The following JARID2 variants were observed in gnomAD, a reference collection of about 807,000 sequenced individuals.
JARID2 encodes the protein protein Jumonji.
Under a neutral mutation model 125.6 loss-of-function variants are expected in JARID2, and 21 were observed. The ratio of observed to expected loss-of-function variants is 0.17; its 90% CI spans 0.12 to 0.24. The LOEUF (loss-of-function observed/expected upper bound fraction) is 0.24. Ranked by LOEUF, JARID2 falls within the 10% of genes least tolerant of loss-of-function variation. The pLI is 1.00. For synonymous variants in JARID2, 736 were observed against 661.6 expected, an observed-to-expected ratio of 1.11 and a Z score of -1.73; for missense variants, 1,303 against 1,639.6, an observed-to-expected ratio of 0.79 and a Z score of 3.55.
rs1488880884 is a variant in JARID2 at position 15,521,088 on chromosome 6, AAAAGG to A, written c.*841_*845del. On this transcript the variant is annotated 3_prime_UTR_variant, in exon 18 of 18. Coordinates refer to ENST00000341776, the MANE Select transcript of JARID2 (RefSeq NM_004973.4). Reference sequence around the variant, plus strand: ...TTAAGATTTAAAAAAAAAAAAAAAAAAAAGGAAAAAAAAGTGATGGAAGCCGTAAG... The same window carrying A: ...TTAAGATTTAAAAAAAAAAAAAAAAAAAAAAAAAGTGATGGAAGCCGTAAG... 1 of 160,820 alleles carries A rather than the reference AAAAGG, an allele frequency of 6.2e-6. No individual in the cohort carries two copies. The highest frequency in any genetic ancestry group is 1.4e-5 in the Non-Finnish European group (1 of 73,402). 10.0% of individuals were successfully genotyped at this position (160,820 alleles called of 1,614,324 possible).
intron 1 of JARID2, among the ~76,000 whole-genome samples, chr6:15,342,880 G>GA (rs1174006458): frequency 1.3e-5 from 2 of 152,148 alleles, no homozygotes; most frequent in Non-Finnish European, 2.9e-5. Context: ...TGCTTTGATT[G>GA]AAGACGCCTT....
chr6:15,267,166 C>T (rs988937850), intron 1 of JARID2, among the ~76,000 whole-genome samples: 1 of 152,184 alleles, frequency 6.6e-6, no homozygotes, highest in African/African-American at 2.4e-5. Context: ...GAATTCAACA[C>T]TCTGAAACTC....
chr6:15,324,103 G>A (rs557432649), intron 1 of JARID2, among the ~76,000 whole-genome samples: 71 of 151,500 alleles, frequency 4.7e-4, no homozygotes, highest in Admixed American at 1.4e-3. Context: ...GGCATGAACC[G>A]GGGAGGCAGA....
intron 6 of JARID2, among the ~76,000 whole-genome samples, chr6:15,490,313 G>GTGACTGTATTGAAATGTGAC (rs1191242819): frequency 6.6e-6 from 1 of 152,124 alleles, no homozygotes; most frequent in Admixed American, 6.5e-5. Flanking sequence ...GTATTGAAAT[G>GTGACTGTATTGAAATGTGAC]TGGAGGAATG....
Position 15,401,085 on chromosome 6 carries a change from T to A in JARID2, c.182-9139T>A. ...TTGTTTCAGGCTGGTATGGCTTTTG[T>A]TGGAGAAATAGGCCTTTGTGGGTTT... On this transcript the variant is annotated intron_variant, in intron 2 of 17. Transcript: ENST00000341776. 3 of 1,288,966 alleles carry A rather than the reference T, an allele frequency of 2.3e-6. No homozygotes were observed. In the East Asian group the frequency reaches 1.7e-4, roughly 72 times the overall value. 79.8% of individuals were successfully genotyped at this position (1,288,966 alleles called of 1,614,324 possible). A position where few individuals can be genotyped will look rare whatever the true frequency, so the allele number is the denominator to read the frequency against.
intron 1 of JARID2, among the ~76,000 whole-genome samples, chr6:15,271,475 A>G (rs1056635566): frequency 6.6e-6 from 1 of 152,206 alleles, no homozygotes; most frequent in Non-Finnish European, 1.5e-5. Flanking sequence ...AGGGTTCCCA[A>G]TAAGATCTCT....
At position 15,335,022 on chromosome 6, in the gene JARID2, G is replaced by A. The variant is rs1383008351; in HGVS notation, c.46-39095G>A. 2.0e-5 allele frequency among the ~76,000 whole-genome samples: 3 copies of A among 152,150 alleles called. No homozygotes were observed. In the East Asian group the frequency reaches 5.8e-4, roughly 29 times the overall value. The stretch of plus-strand genomic sequence containing the variant: ...TTGATTTTATAAATGGTAATTGAAA[G>A]TCCATAGATTTTAGGTTTGTGGAAC... On this transcript the variant is annotated intron_variant, in intron 1 of 17. Coordinates refer to ENST00000341776, the MANE Select transcript of JARID2 (RefSeq NM_004973.4).
At chr6:15,403,269 C>G (rs543101850) in intron 2 of JARID2, among the ~76,000 whole-genome samples, 2 of 152,306 alleles carry the variant, frequency 1.3e-5, no homozygotes, top group South Asian at 4.1e-4. Flanking sequence ...TAAAGTTAAA[C>G]TGTCAGCCTT....
chr6:15,518,255 C>G (rs972488985), intron 17 of JARID2, among the ~76,000 whole-genome samples: 1 of 152,124 alleles, frequency 6.6e-6, no homozygotes, highest in African/African-American at 2.4e-5. Context: ...CCTCTGGCTG[C>G]CTGGAAAGCG....
intron 3 of JARID2, among the ~76,000 whole-genome samples, chr6:15,422,640 C>G (rs1766548886): frequency 3.9e-5 from 6 of 152,188 alleles, no homozygotes; most frequent in Admixed American, 3.9e-4. Flanking sequence ...CTAGGGGTAC[C>G]CAAGATGGTG....
intron 7 of JARID2, 47 bp from the exon 8 acceptor site, chr6:15,500,860 T>G: frequency 6.6e-7 from 1 of 1,520,162 alleles, no homozygotes; most frequent in Non-Finnish European, 8.9e-7. Flanking sequence ...ATCTTGTTCG[T>G]GTCTCTTTCA....
At chr6:15,319,385 T>C (rs569591954) in intron 1 of JARID2, among the ~76,000 whole-genome samples, 1 of 152,242 alleles carries the variant, frequency 6.6e-6, no homozygotes, top group East Asian at 1.9e-4. Flanking sequence ...ACATGGAATT[T>C]CTGTGTTGCT....
At chr6:15,330,336 T>TAA (rs1762667248) in intron 1 of JARID2, among the ~76,000 whole-genome samples, 1 of 152,176 alleles carries the variant, frequency 6.6e-6, no homozygotes, top group Admixed American at 6.5e-5. Context: ...GCGCACTCAT[T>TAA]AATACCACCG....
intron 3 of JARID2, among the ~76,000 whole-genome samples, chr6:15,442,783 CAG>C (rs1186574064): frequency 6.6e-6 from 1 of 152,216 alleles, no homozygotes; most frequent in Non-Finnish European, 1.5e-5. Context: ...AAGTCAATGT[CAG>C]ATGTTTCCTT....
intron 3 of JARID2, among the ~76,000 whole-genome samples, chr6:15,422,180 G>C (rs897762792): frequency 2.6e-5 from 4 of 152,170 alleles, no homozygotes; most frequent in South Asian, 4.1e-4. Context: ...TGTTGTTTCA[G>C]GTAGCTGCTG....
At chr6:15,334,298 G>T (rs72834586) in intron 1 of JARID2, among the ~76,000 whole-genome samples, 2 of 150,016 alleles carry the variant, frequency 1.3e-5, no homozygotes, top group African/African-American at 4.9e-5. Flanking sequence ...GGTTCCTATG[G>T]AACAGTGGCT....
chr6:15,363,269 A>G (rs1763862209), intron 1 of JARID2, among the ~76,000 whole-genome samples: 1 of 152,342 alleles, frequency 6.6e-6, no homozygotes, highest in East Asian at 1.9e-4. Context: ...TTCAAACACC[A>G]GCACTTCTCA....
chr6:15,246,690 C>T, intron 1 of JARID2, 106 bp downstream of exon 1: 2 of 965,210 alleles, frequency 2.1e-6, no homozygotes, highest in South Asian at 1.4e-5. Context: ...AACACAGCGT[C>T]CGATAAGGCT....
At chr6:15,330,102 A>G (rs1317019816) in intron 1 of JARID2, among the ~76,000 whole-genome samples, 1 of 152,210 alleles carries the variant, frequency 6.6e-6, no homozygotes, top group Non-Finnish European at 1.5e-5. Flanking sequence ...TTCTGGTGAG[A>G]ACGTTTGTAT....
Sources: gnomAD v4.1 joint callset for allele counts (sites outside exome capture counted in the v4.1 genomes callset) on GRCh38, gnomAD v4.1.1 for gene constraint, MANE v1.5 for transcripts, NCBI Gene and HGNC (gene_info 2026-07-23, HGNC 2026-07-21) for gene names.